ACTR10: variants seen among roughly 807,000 people sequenced by gnomAD.
ACTR10 encodes actin related protein 10.
ACTR10 carries 43 observed loss-of-function variants against 56.2 expected under a neutral mutation model. The ratio of observed to expected loss-of-function variants is 0.77; its 90% CI spans 0.60 to 0.99. The LOEUF (loss-of-function observed/expected upper bound fraction) is 0.99. Ranked by LOEUF, ACTR10 falls within the 50% of genes least tolerant of loss-of-function variation. The probability of loss-of-function intolerance (pLI) is 0.00; values close to 1 mark genes in which losing one functional copy is unlikely to be tolerated. For synonymous variants in ACTR10, 170 were observed against 176.3 expected, an observed-to-expected ratio of 0.96 and a Z score of 0.28; for missense variants, 466 against 507.8, an observed-to-expected ratio of 0.92 and a Z score of 0.79.
chr14:58,234,402 G>A lies in ACTR10; in HGVS notation c.1105G>A (p.Gly369Arg), dbSNP rs1423247619. Residue 369 changes from glycine (G) to arginine (R), a missense_variant, in exon 13 of 13, where the codon GGG (glycine) becomes AGG (arginine). Gly to Arg is a moderately radical substitution (Grantham distance 125). Coordinates refer to ENST00000254286, the MANE Select transcript of ACTR10 (RefSeq NM_018477.3). Reference sequence around the variant, plus strand: ...TTTTGGAGCATTACAAGATATACTTGGGAGCCGTTCTGTTTCAAAGGAATA... The same window carrying A: ...TTTTGGAGCATTACAAGATATACTTAGGAGCCGTTCTGTTTCAAAGGAATA... ...AIFGALQDILGSRSVSKEYYN... is the reference protein window; with the variant it reads ...AIFGALQDILRSRSVSKEYYN... The A allele has an allele frequency of 6.2e-7, 1 of 1,604,920 alleles. No individual in the cohort carries two copies. Among genetic ancestry groups the A allele is most frequent in the South Asian group, 1.1e-5 (1 of 89,450 alleles).
intron 4 of ACTR10, 139 bp downstream of exon 4, chr14:58,209,246 T>C: frequency 1.8e-6 from 1 of 556,762 alleles, no homozygotes; most frequent in Non-Finnish European, 3.1e-6. Context: ...ATAAAAGCCC[T>C]TATTTTGTCT....
intron 1 of ACTR10, among the ~76,000 whole-genome samples, 174 bp downstream of exon 1, chr14:58,200,468 A>G (rs541080712): frequency 1.3e-5 from 2 of 152,316 alleles, no homozygotes; most frequent in East Asian, 3.9e-4. Flanking sequence ...GGGCGATGCG[A>G]ATCCGAGGAT....
intron 10 of ACTR10, among the ~76,000 whole-genome samples, chr14:58,228,836 A>G (rs1319684691): frequency 6.6e-6 from 1 of 151,682 alleles, no homozygotes. Context: ...GAGCCATTGC[A>G]TCTGGCCAAA....
chr14:58,206,269 G>A (rs902782571), intron 2 of ACTR10, among the ~76,000 whole-genome samples: 1 of 151,016 alleles, frequency 6.6e-6, no homozygotes. Flanking sequence ...TCCTCCTCTC[G>A]GGTTCAAGCC....
At chr14:58,230,795 C>T (rs927458740) in intron 11 of ACTR10, among the ~76,000 whole-genome samples, 113 of 150,842 alleles carry the variant, frequency 7.5e-4, no homozygotes, top group African/African-American at 2.7e-3. Flanking sequence ...AAGTCTCGCT[C>T]TGTCACCCAG....
chr14:58,224,668 A>T (rs1889356991), intron 10 of ACTR10, among the ~76,000 whole-genome samples: 1 of 152,140 alleles, frequency 6.6e-6, no homozygotes, highest in Admixed American at 6.5e-5. Flanking sequence ...ACTTTAAAAC[A>T]GGGGTTAGCA....
chr14:58,221,302 A>AAT (rs1184375600), intron 8 of ACTR10, among the ~76,000 whole-genome samples: 6 of 129,896 alleles, frequency 4.6e-5, no homozygotes, highest in East Asian at 2.2e-4. Context: ...AAAAAAAAAA[A>AAT]ATATATGCAG....
chr14:58,214,730 A>T (rs1889091368), intron 6 of ACTR10, among the ~76,000 whole-genome samples: 1 of 149,180 alleles, frequency 6.7e-6, no homozygotes, highest in African/African-American at 2.4e-5. Context: ...ACCTCAGGTG[A>T]TCCACCCGCT....
rs540877873 is a variant in ACTR10, at chr14:58,218,887, A to C, written c.599-807A>C. On this transcript the variant is annotated intron_variant, in intron 7 of 12. Transcript: ENST00000254286. ...TTTGCCCAGGCTGGAGTGCAATGGC[A>C]TGATCTTGGCTTACCCCAAACTCCT... Among the ~76,000 whole-genome samples the C allele has an allele frequency of 2.6e-5, 4 of 152,244 alleles. No homozygotes were observed. In the East Asian group the frequency reaches 7.7e-4, roughly 29 times the overall value.
intron 10 of ACTR10, among the ~76,000 whole-genome samples, chr14:58,224,485 G>C (rs1200524737): frequency 6.6e-6 from 1 of 151,866 alleles, no homozygotes; most frequent in Non-Finnish European, 1.5e-5. Context: ...GACCTCAGGT[G>C]ATCCACCCGC....
intron 10 of ACTR10, among the ~76,000 whole-genome samples, chr14:58,225,182 C>T (rs951996796): frequency 6.6e-6 from 1 of 152,168 alleles, no homozygotes; most frequent in Non-Finnish European, 1.5e-5. Flanking sequence ...TTGCTGACTG[C>T]TGCTTTAAAA....
At chr14:58,213,282 A>C (rs1306888681) in intron 5 of ACTR10, 1 of 175,586 alleles carries the variant, frequency 5.7e-6, no homozygotes, top group Non-Finnish European at 1.2e-5. Context: ...TGGTATTAAA[A>C]CCTTCTAAAT....
intron 2 of ACTR10, among the ~76,000 whole-genome samples, chr14:58,203,158 C>T (rs917177034): frequency 2.0e-5 from 3 of 151,816 alleles, no homozygotes; most frequent in African/African-American, 7.3e-5. Flanking sequence ...AAAAATTAGC[C>T]GGGAGTGGTG....
At chr14:58,223,423 C>A in intron 8 of ACTR10, 199 bp from the exon 9 acceptor site, 1 of 549,110 alleles carries the variant, frequency 1.8e-6, no homozygotes, top group Non-Finnish European at 3.2e-6. Context: ...CAGGCAAGAG[C>A]CACTGCACCT....
chr14:58,217,017 TAGTTA>T (rs1484140663), intron 7 of ACTR10, among the ~76,000 whole-genome samples: 7 of 152,150 alleles, frequency 4.6e-5, no homozygotes, highest in South Asian at 2.1e-4. Context: ...TCCCTATTGA[TAGTTA>T]AGTTAATAGC....
intron 3 of ACTR10, 107 bp from the exon 4 acceptor site, chr14:58,208,892 T>C (rs985978989): frequency 4.4e-6 from 3 of 678,802 alleles, no homozygotes; most frequent in Non-Finnish European, 7.6e-6. Flanking sequence ...CTTTTTGTGA[T>C]AAAATATCTT....
intron 3 of ACTR10, 35 bp downstream of exon 3, chr14:58,208,053 A>G: frequency 6.8e-7 from 1 of 1,477,952 alleles, no homozygotes; most frequent in Non-Finnish European, 8.9e-7. Flanking sequence ...TTTTATGATT[A>G]GATAGATTTT....
chr14:58,223,366 G>A (rs1889323662), intron 8 of ACTR10: 1 of 380,136 alleles, frequency 2.6e-6, no homozygotes, highest in African/African-American at 2.1e-5. Flanking sequence ...TCGAACTCCT[G>A]ACCTCAGGTG....
At chr14:58,210,678 T>C (rs1184168907) in intron 4 of ACTR10, among the ~76,000 whole-genome samples, 1 of 123,082 alleles carries the variant, frequency 8.1e-6, no homozygotes, top group African/African-American at 2.8e-5. Flanking sequence ...CTTCTTTTTT[T>C]CTTTTTTTTT....
Sources: allele counts gnomAD v4.1 joint callset (sites outside exome capture counted in the v4.1 genomes callset), GRCh38; gene constraint gnomAD v4.1.1; transcripts MANE v1.5; gene names NCBI Gene and HGNC (gene_info 2026-07-23, HGNC 2026-07-21).